The following IMMP2L variants were observed in gnomAD, a reference collection of about 807,000 sequenced individuals.
IMMP2L encodes the protein inner mitochondrial membrane peptidase subunit 2, also known as mitochondrial inner membrane protease subunit 2.
A neutral mutation model predicts 19.3 loss-of-function variants in IMMP2L; 18 were observed. The observed-to-expected ratio is 0.93, with a 90% confidence interval of 0.64 to 1.38. The LOEUF (loss-of-function observed/expected upper bound fraction) is 1.38, where lower values mean the gene tolerates loss of function less well. IMMP2L is among the 40% of genes most tolerant of loss of function. The pLI is 0.00. For synonymous variants in IMMP2L, 76 were observed against 73.0 expected (o/e 1.04, Z -0.21); for missense variants, 233 against 218.2 (o/e 1.07, Z -0.43).
intron 3 of IMMP2L, among the ~76,000 whole-genome samples, chr7:111,051,130 T>A (rs1471812503): frequency 6.6e-6 from 1 of 152,190 alleles, no homozygotes; most frequent in African/African-American, 2.4e-5. Context: ...AGAGTAAGAC[T>A]CTGTCTCAAA....
chr7:111,084,476 G>A (rs2129576853), intron 3 of IMMP2L, among the ~76,000 whole-genome samples: 1 of 152,208 alleles, frequency 6.6e-6, no homozygotes, highest in Non-Finnish European at 1.5e-5. Context: ...ACGGATGGAT[G>A]GATGGATGCA....
chr7:110,831,128 G>C (rs887353966), intron 5 of IMMP2L, among the ~76,000 whole-genome samples: 2 of 152,100 alleles, frequency 1.3e-5, no homozygotes, highest in African/African-American at 4.8e-5. Flanking sequence ...GTGGACTGGG[G>C]TCGTTCTCAG....
At chr7:111,031,548 A>G (rs1258417585) in intron 3 of IMMP2L, among the ~76,000 whole-genome samples, 3 of 152,160 alleles carry the variant, frequency 2.0e-5, no homozygotes, top group Non-Finnish European at 4.4e-5. Context: ...AAAAGTGTAA[A>G]ATAAATATCC....
At chr7:110,774,760 T>C (rs187714368) in intron 5 of IMMP2L, among the ~76,000 whole-genome samples, 169 of 152,166 alleles carry the variant, frequency 1.1e-3, no homozygotes, top group African/African-American at 3.9e-3. Context: ...AGGTGTATAG[T>C]AGGTATACCA....
chr7:111,319,963 T>G (rs1824508414), intron 3 of IMMP2L, among the ~76,000 whole-genome samples: 1 of 152,048 alleles, frequency 6.6e-6, no homozygotes, highest in South Asian at 2.1e-4. Context: ...TAACTGGAGC[T>G]CTTTCTTCCC....
chr7:111,034,723 T>G (rs1459464062), intron 3 of IMMP2L, among the ~76,000 whole-genome samples: 1 of 152,192 alleles, frequency 6.6e-6, no homozygotes, highest in South Asian at 2.1e-4. Flanking sequence ...AAATTTATGC[T>G]GTATAGAACT....
At chr7:111,215,016 G>A (rs1029723323) in intron 3 of IMMP2L, among the ~76,000 whole-genome samples, 2 of 152,034 alleles carry the variant, frequency 1.3e-5, no homozygotes, top group African/African-American at 4.8e-5. Flanking sequence ...GCAAAACTAT[G>A]CCCTCATTCC....
At chr7:111,061,425 G>A (rs1794002038) in intron 3 of IMMP2L, among the ~76,000 whole-genome samples, 1 of 152,252 alleles carries the variant, frequency 6.6e-6, no homozygotes, top group Middle Eastern at 3.4e-3. Context: ...AGCACTGCTT[G>A]GAGGAGCTGG....
intron 3 of IMMP2L, among the ~76,000 whole-genome samples, chr7:111,156,337 C>G (rs762484945): frequency 6.6e-5 from 10 of 152,090 alleles, no homozygotes; most frequent in Non-Finnish European, 1.3e-4. Context: ...GTTCTAGTTG[C>G]TCCACATCTT....
At chr7:111,107,179 C>CAG (rs1554518161) in intron 3 of IMMP2L, among the ~76,000 whole-genome samples, 1 of 151,756 alleles carries the variant, frequency 6.6e-6, no homozygotes, top group Non-Finnish European at 1.5e-5. Flanking sequence ...CCCTTTCCCT[C>CAG]TCTCTCCTTC....
In IMMP2L at chr7:111,065,737, T is replaced by C. The variant is rs114462215; in HGVS notation, c.240-102172A>G. Among the ~76,000 whole-genome samples the C allele has an allele frequency of 9.6e-3, 1,465 of 152,314 alleles. 23 individuals are homozygous for C. Among genetic ancestry groups the C allele is most frequent in the African/African-American group, 0.033 (1,379 of 41,562 alleles). On this transcript the variant is annotated intron_variant, in intron 3 of 5. Transcript: ENST00000405709. ...CTCCAAGTTCTCCTGTTCTCGAACA[T>C]TGGACTCCAAGTTCTTCAGCTTTGG...
chr7:110,733,753 T>G lies in IMMP2L; in HGVS notation c.409-70032A>C, dbSNP rs565511976. On this transcript the variant is annotated intron_variant, in intron 5 of 5. Coordinates refer to ENST00000405709, the MANE Select transcript of IMMP2L (RefSeq NM_032549.4). ...TATACATTAAGGGGATTAGTGTACTTAGAAATGGGCCAAACAAGGCTGTTT... is the reference window on the plus strand; with the variant it reads ...TATACATTAAGGGGATTAGTGTACTGAGAAATGGGCCAAACAAGGCTGTTT... 4.6e-5 allele frequency among the ~76,000 whole-genome samples: 7 copies of G among 152,176 alleles called. No individual in the cohort carries two copies. In the South Asian group the frequency reaches 1.2e-3, roughly 27 times the overall value.
At chr7:111,508,447 G>T (rs1487677831) in intron 2 of IMMP2L, among the ~76,000 whole-genome samples, 2 of 152,090 alleles carry the variant, frequency 1.3e-5, no homozygotes, top group Non-Finnish European at 2.9e-5. Flanking sequence ...AGGTAGGTCC[G>T]AGTTCTTGTC....
chr7:110,990,968 T>C (rs1178671454), intron 3 of IMMP2L, among the ~76,000 whole-genome samples: 1 of 152,176 alleles, frequency 6.6e-6, no homozygotes. Flanking sequence ...TTCTTTGTCC[T>C]CTCTTGGAAA....
chr7:110,747,521 C>G (rs1797431610), intron 5 of IMMP2L, among the ~76,000 whole-genome samples: 1 of 152,130 alleles, frequency 6.6e-6, no homozygotes. Context: ...CAAATCAAAT[C>G]CAGCAGCACA....
At chr7:110,735,052 T>C (rs368734325) in intron 5 of IMMP2L, among the ~76,000 whole-genome samples, 1 of 152,282 alleles carries the variant, frequency 6.6e-6, no homozygotes, top group East Asian at 1.9e-4. Context: ...ATGTGATAAC[T>C]GACACTTACA....
At chr7:110,893,747 G>T (rs1811051517) in intron 4 of IMMP2L, among the ~76,000 whole-genome samples, 1 of 152,100 alleles carries the variant, frequency 6.6e-6, no homozygotes, top group Admixed American at 6.6e-5. Context: ...TTCAGTATAA[G>T]TATGACACAT....
chr7:111,416,961 A>G (rs1835009574), intron 3 of IMMP2L, among the ~76,000 whole-genome samples: 1 of 151,778 alleles, frequency 6.6e-6, no homozygotes, highest in Admixed American at 6.6e-5. Context: ...TACAGTAACC[A>G]TAAACTACAT....
intron 3 of IMMP2L, among the ~76,000 whole-genome samples, chr7:111,259,714 A>C (rs1355352172): frequency 6.6e-6 from 1 of 152,086 alleles, no homozygotes; most frequent in African/African-American, 2.4e-5. Flanking sequence ...AACTTTTAAA[A>C]TCTTAAATTT....
Sources: gnomAD v4.1 joint callset for allele counts (sites outside exome capture counted in the v4.1 genomes callset) on GRCh38, gnomAD v4.1.1 for gene constraint, MANE v1.5 for transcripts, NCBI Gene and HGNC (gene_info 2026-07-23, HGNC 2026-07-21) for gene names.